Variants in NEK1 observed in about 807,000 individuals in gnomAD.
NEK1 encodes serine/threonine-protein kinase Nek1.
NEK1 carries 137 observed loss-of-function variants against 182.1 expected under a neutral mutation model. The ratio of observed to expected loss-of-function variants is 0.75; its 90% CI spans 0.65 to 0.87. NEK1 has a LOEUF of 0.87. Ranked by LOEUF, NEK1 falls within the 40% of genes least tolerant of loss-of-function variation. NEK1 has a pLI of 0.00. For synonymous variants in NEK1, 513 were observed against 492.2 expected, an observed-to-expected ratio of 1.04 and a Z score of -0.56; for missense variants, 1,391 against 1,494.4, an observed-to-expected ratio of 0.93 and a Z score of 1.14.
intron 19 of NEK1, among the ~76,000 whole-genome samples, chr4:169,514,316 A>G (rs1165443731): frequency 6.6e-6 from 1 of 152,090 alleles, no homozygotes; most frequent in Admixed American, 6.6e-5. Flanking sequence ...TTCATCAAAG[A>G]TACTGGTCTG....
chr4:169,456,411 A>T (rs939790659), intron 27 of NEK1, among the ~76,000 whole-genome samples: 3 of 152,204 alleles, frequency 2.0e-5, no homozygotes, highest in African/African-American at 7.2e-5. Flanking sequence ...CAAAAGATAA[A>T]TGAAATCAAA....
Position 169,602,516 on chromosome 4 carries a change from T to C in NEK1, c.115A>G (p.Arg39Gly). ...QYVIKEINIS[R>G]MSSKEREESR... ...AACCAAACTAAAAATATACTTACTC[T>C]TGAGATGTTAATTTCCTTGATAACA... Residue 39 changes from arginine (R) to glycine (G), a missense_variant and splice_region_variant, in exon 3 of 36, where the codon AGA (arginine) becomes GGA (glycine). Arg to Gly is a moderately radical substitution (Grantham distance 125). Around this residue, in one of 5 missense-constraint regions of NEK1, gnomAD observed 42 missense variants for 47.9 expected, o/e 0.88. Coordinates refer to ENST00000507142, the MANE Select transcript of NEK1 (RefSeq NM_001199397.3). The C allele has an allele frequency of 6.6e-7, 1 of 1,506,532 alleles. No homozygotes were observed. The highest frequency in any genetic ancestry group is 1.1e-5 in the South Asian group (1 of 88,112). 93.3% of individuals were successfully genotyped at this position (1,506,532 alleles called of 1,614,324 possible).
chr4:169,603,075 G>T (rs902573796), intron 2 of NEK1, among the ~76,000 whole-genome samples: 1 of 152,088 alleles, frequency 6.6e-6, no homozygotes, highest in African/African-American at 2.4e-5. Context: ...TAAAATGTTT[G>T]CTAGTATAGA....
chr4:169,575,371 T>G (rs1229377667), intron 12 of NEK1, among the ~76,000 whole-genome samples: 1 of 152,266 alleles, frequency 6.6e-6, no homozygotes, highest in Non-Finnish European at 1.5e-5. Context: ...AGAGGGTCAC[T>G]GCAAAGGCAG....
At chr4:169,461,893 A>G (rs1015014438) in intron 27 of NEK1, among the ~76,000 whole-genome samples, 2 of 152,108 alleles carry the variant, frequency 1.3e-5, no homozygotes, top group African/African-American at 2.4e-5. Context: ...AGTGAACACA[A>G]CTAAGAAGTG....
At chr4:169,406,917 A>G (rs561321828) in intron 31 of NEK1, among the ~76,000 whole-genome samples, 170 bp from the exon 32 acceptor site, 1 of 151,458 alleles carries the variant, frequency 6.6e-6, no homozygotes, top group East Asian at 1.9e-4. Context: ...ATATATATAT[A>G]TATTTTTAGA....
intron 29 of NEK1, among the ~76,000 whole-genome samples, chr4:169,429,033 A>AT (rs922489194): frequency 1.3e-5 from 2 of 150,826 alleles, no homozygotes; most frequent in Non-Finnish European, 3.0e-5. Flanking sequence ...CTTAGATGCA[A>AT]TTTTTTTTTC....
intron 29 of NEK1, among the ~76,000 whole-genome samples, chr4:169,427,680 G>A (rs1326043894): frequency 6.6e-6 from 1 of 151,080 alleles, no homozygotes; most frequent in African/African-American, 2.4e-5. Context: ...TTTTTCAGTA[G>A]AGATGGGGTT....
chr4:169,543,681 C>T (rs1458476582), intron 18 of NEK1, among the ~76,000 whole-genome samples: 1 of 152,168 alleles, frequency 6.6e-6, no homozygotes, highest in South Asian at 2.1e-4. Flanking sequence ...GTTTGTAGTT[C>T]TCCTTGAAGA....
At chr4:169,484,367 T>C (rs1035300949) in intron 23 of NEK1, among the ~76,000 whole-genome samples, 6 of 152,190 alleles carry the variant, frequency 3.9e-5, no homozygotes, top group Non-Finnish European at 7.3e-5. Flanking sequence ...TACATCAATC[T>C]GACACGATTT....
chr4:169,594,716 C>T (rs1000772358), intron 5 of NEK1, among the ~76,000 whole-genome samples: 1 of 152,146 alleles, frequency 6.6e-6, no homozygotes, highest in Non-Finnish European at 1.5e-5. Context: ...AAACTATTAG[C>T]TCAACACTGC....
chr4:169,448,569 C>T (rs1431184921), intron 27 of NEK1, among the ~76,000 whole-genome samples: 3 of 152,120 alleles, frequency 2.0e-5, no homozygotes, highest in South Asian at 2.1e-4. Flanking sequence ...AAACAAATAA[C>T]AAAATGGCAG....
At chr4:169,570,182 C>A (rs1472522002) in intron 12 of NEK1, among the ~76,000 whole-genome samples, 1 of 151,532 alleles carries the variant, frequency 6.6e-6, no homozygotes, top group Non-Finnish European at 1.5e-5. Context: ...TGCCCGGCTG[C>A]GACCCCGTCT....
At chr4:169,604,044 T>C (rs1232326156) in intron 2 of NEK1, among the ~76,000 whole-genome samples, 1 of 152,192 alleles carries the variant, frequency 6.6e-6, no homozygotes, top group African/African-American at 2.4e-5. Flanking sequence ...GAACTATTCA[T>C]CCATGTTCTT....
At chr4:169,458,661 C>T (rs1743360789) in intron 27 of NEK1, among the ~76,000 whole-genome samples, 1 of 151,882 alleles carries the variant, frequency 6.6e-6, no homozygotes, top group Admixed American at 6.6e-5. Flanking sequence ...AACCCTCTCT[C>T]TACTAAAAAT....
chr4:169,477,599 T>C (rs1221917671), intron 24 of NEK1, 102 bp from the exon 25 acceptor site: 4 of 849,068 alleles, frequency 4.7e-6, no homozygotes, highest in Non-Finnish European at 7.2e-6. Flanking sequence ...CATTAATTTG[T>C]TCCTTGTAAA....
intron 16 of NEK1, among the ~76,000 whole-genome samples, chr4:169,556,550 T>C (rs1412670652): frequency 6.6e-6 from 1 of 152,058 alleles, no homozygotes; most frequent in Non-Finnish European, 1.5e-5. Flanking sequence ...CAAGCAGATA[T>C]GAAGGTATAA....
intron 35 of NEK1, among the ~76,000 whole-genome samples, chr4:169,397,359 C>T (rs1232125638): frequency 2.0e-5 from 3 of 152,150 alleles, no homozygotes; most frequent in Non-Finnish European, 4.4e-5. Flanking sequence ...TATATCTAGT[C>T]ATTTCATTTA....
Position 169,394,158 on chromosome 4 carries a change from C to A in NEK1, c.*352G>T. On this transcript the variant is annotated 3_prime_UTR_variant, in exon 36 of 36. Transcript: ENST00000507142. ...AGGTCCTTCATGACATAGGTAATTCCTTCAACCTAAAGACATTTGCTGAAA... is the reference window on the plus strand; with the variant it reads ...AGGTCCTTCATGACATAGGTAATTCATTCAACCTAAAGACATTTGCTGAAA... 1 of 192,864 alleles carries A rather than the reference C, an allele frequency of 5.2e-6. No individual in the cohort carries two copies. Among genetic ancestry groups the A allele is most frequent in the South Asian group, 1.2e-4 (1 of 8,548 alleles). The allele number at this position is 192,864 out of a possible 1,614,324, so 11.9% of individuals were successfully genotyped here.
Sources: allele counts gnomAD v4.1 joint callset (sites outside exome capture counted in the v4.1 genomes callset), GRCh38; gene constraint gnomAD v4.1.1; regional missense constraint gnomAD v4.1.1; transcripts MANE v1.5; gene names NCBI Gene and HGNC (gene_info 2026-07-23, HGNC 2026-07-21).